The following SMIM36 variants were observed in gnomAD, a reference collection of about 807,000 sequenced individuals.
The protein encoded by SMIM36 is small integral membrane protein 36.
At chr17:55,459,463 G>A (rs1421578742) in intron 4 of SMIM36, among the ~76,000 whole-genome samples, 1 of 152,110 alleles carries the variant, frequency 6.6e-6, no homozygotes, top group Non-Finnish European at 1.5e-5. Flanking sequence ...GAATTTAAGG[G>A]ACAAAAGTTG....
At chr17:55,451,177 G>A (rs1398021835) in intron 4 of SMIM36, among the ~76,000 whole-genome samples, 1 of 152,162 alleles carries the variant, frequency 6.6e-6, no homozygotes, top group African/African-American at 2.4e-5. Context: ...GAGCCACTGT[G>A]CCCAGCCCCT....
chr17:55,466,750 C>T (rs1017962906), intron 4 of SMIM36, among the ~76,000 whole-genome samples: 8 of 152,186 alleles, frequency 5.3e-5, no homozygotes, highest in African/African-American at 1.9e-4. Flanking sequence ...CACCCCGGGT[C>T]TGCTCAACAG....
At chr17:55,515,008 G>T (rs1404960930), upstream of SMIM36, among the ~76,000 whole-genome samples, 2 of 150,126 alleles carry the variant, frequency 1.3e-5, no homozygotes, top group Admixed American at 1.3e-4. Flanking sequence ...GCACAGGGAC[G>T]TGACTTTCTC....
At chr17:55,514,359 A>G (rs894701983), upstream of SMIM36, among the ~76,000 whole-genome samples, 1 of 152,224 alleles carries the variant, frequency 6.6e-6, no homozygotes, top group Non-Finnish European at 1.5e-5. Context: ...TATTACAAAT[A>G]TGAATTGTGC....
intron 3 of SMIM36, among the ~76,000 whole-genome samples, chr17:55,474,907 C>CTCTAA (rs1567865390): frequency 2.6e-5 from 4 of 152,164 alleles, no homozygotes; most frequent in Non-Finnish European, 5.9e-5. Flanking sequence ...GTGAGATAGA[C>CTCTAA]TGGCCAGCAT....
intron 3 of SMIM36, among the ~76,000 whole-genome samples, chr17:55,471,437 A>T (rs1909340375): frequency 6.6e-6 from 1 of 152,074 alleles, no homozygotes; most frequent in Non-Finnish European, 1.5e-5. Flanking sequence ...TACCTATCTC[A>T]GTATAATCCT....
At chr17:55,472,548 C>T (rs1909358069) in intron 3 of SMIM36, among the ~76,000 whole-genome samples, 1 of 152,158 alleles carries the variant, frequency 6.6e-6, no homozygotes, top group East Asian at 1.9e-4. Context: ...GTAAAGGACA[C>T]CAGAAACCTA....
At chr17:55,529,538 C>G in the SMIM36 span, among the ~76,000 whole-genome samples, 1 of 151,912 alleles carries the variant, frequency 6.6e-6, no homozygotes, top group South Asian at 2.1e-4. Context: ...GAGGCTGAGG[C>G]GGGCAGATCA....
At chr17:55,471,281 C>T (rs1043841989) in intron 3 of SMIM36, among the ~76,000 whole-genome samples, 1 of 152,128 alleles carries the variant, frequency 6.6e-6, no homozygotes, top group African/African-American at 2.4e-5. Flanking sequence ...GTCTGCCTCC[C>T]ATCTTATTCA....
At chr17:55,470,261 G>A (rs1909320401) in intron 3 of SMIM36, among the ~76,000 whole-genome samples, 1 of 152,136 alleles carries the variant, frequency 6.6e-6, no homozygotes, top group Admixed American at 6.6e-5. Flanking sequence ...CGATCCCAAA[G>A]GCTCTCTGAT....
At chr17:55,508,971 A>G (rs572581595) in intron 1 of SMIM36, among the ~76,000 whole-genome samples, 1 of 151,696 alleles carries the variant, frequency 6.6e-6, no homozygotes, top group Admixed American at 6.6e-5. Context: ...CTTCTTGCTC[A>G]TAAAGAAAAC....
intron 4 of SMIM36, among the ~76,000 whole-genome samples, chr17:55,462,932 C>T (rs1349870646): frequency 2.6e-5 from 4 of 152,160 alleles, no homozygotes; most frequent in Non-Finnish European, 5.9e-5. Context: ...GGAAAACTCT[C>T]TGTTAAAGAG....
chr17:55,508,391 C>G (rs1910116104), intron 1 of SMIM36, among the ~76,000 whole-genome samples: 1 of 142,746 alleles, frequency 7.0e-6, no homozygotes, highest in Admixed American at 7.1e-5. Flanking sequence ...TCTATATATT[C>G]CCGTAAAATA....
At chr17:55,469,252 G>A (rs1011288290) in intron 3 of SMIM36, among the ~76,000 whole-genome samples, 1 of 152,140 alleles carries the variant, frequency 6.6e-6, no homozygotes, top group African/African-American at 2.4e-5. Context: ...TCCGCGACTA[G>A]CTCTTCCCCA....
intron 3 of SMIM36, among the ~76,000 whole-genome samples, chr17:55,471,221 C>T (rs901109085): frequency 2.6e-5 from 4 of 152,182 alleles, no homozygotes; most frequent in Non-Finnish European, 4.4e-5. Flanking sequence ...CAGGGACAGG[C>T]CACACTACTT....
At chr17:55,511,462 T>C, upstream of SMIM36, 1 of 394,082 alleles carries the variant, frequency 2.5e-6, no homozygotes, top group Non-Finnish European at 4.5e-6. Flanking sequence ...CATTAATCCC[T>C]ACTGCTCCAG....
intron 1 of SMIM36, among the ~76,000 whole-genome samples, chr17:55,488,519 A>G (rs1014689666): frequency 5.3e-5 from 8 of 152,200 alleles, no homozygotes; most frequent in Non-Finnish European, 8.8e-5. Context: ...TTTTGTAGCC[A>G]CGGGATCATA....
At chr17:55,501,916 C>T (rs909326847) in intron 1 of SMIM36, among the ~76,000 whole-genome samples, 10 of 144,524 alleles carry the variant, frequency 6.9e-5, no homozygotes, top group African/African-American at 2.6e-4. Flanking sequence ...ACCTGGGAAG[C>T]GCAAGGGGTC....
chr17:55,451,266 G>T (rs967197312), intron 4 of SMIM36, among the ~76,000 whole-genome samples: 2 of 152,062 alleles, frequency 1.3e-5, no homozygotes, highest in African/African-American at 4.8e-5. Flanking sequence ...TCCAATACTC[G>T]CACCTTCTCC....
Sources: gnomAD v4.1 joint callset for allele counts (sites outside exome capture counted in the v4.1 genomes callset) on GRCh38, gnomAD v4.1.1 for gene constraint, MANE v1.5 for transcripts, NCBI Gene and HGNC (gene_info 2026-07-23, HGNC 2026-07-21) for gene names.